HCN1: variants seen among roughly 807,000 people sequenced by gnomAD.
HCN1 encodes the protein hyperpolarization activated cyclic nucleotide gated potassium channel 1, also known as potassium/sodium hyperpolarization-activated cyclic nucleotide-gated channel 1.
In HCN1, 13 loss-of-function variants were observed where a neutral mutation model predicts 78.9. The observed-to-expected ratio is 0.16, with a 90% confidence interval of 0.11 to 0.26. HCN1 has a LOEUF of 0.26. HCN1 is among the 10% of genes least tolerant of loss of function. The pLI is 1.00. For synonymous variants in HCN1, 552 were observed against 455.5 expected (o/e 1.21, Z -2.70); for missense variants, 810 against 1,154.3 (o/e 0.70, Z 4.32).
chr5:45,647,258 T>C (rs1745567480), intron 1 of HCN1, among the ~76,000 whole-genome samples: 1 of 152,148 alleles, frequency 6.6e-6, no homozygotes, highest in Admixed American at 6.6e-5. Context: ...TGGTTTTATA[T>C]CTTCTCACAA....
chr5:45,682,294 T>C (rs991576483), intron 1 of HCN1, among the ~76,000 whole-genome samples: 1 of 147,110 alleles, frequency 6.8e-6, no homozygotes, highest in Admixed American at 6.8e-5. Context: ...TATATACACA[T>C]ATATATATCC....
intron 3 of HCN1, among the ~76,000 whole-genome samples, chr5:45,419,751 ACT>A (rs965972920): frequency 6.6e-6 from 1 of 152,280 alleles, no homozygotes; most frequent in African/African-American, 2.4e-5. Flanking sequence ...GTTGAAGGTC[ACT>A]ACTCCTGTCA....
chr5:45,496,748 T>A (rs553872670), intron 2 of HCN1, among the ~76,000 whole-genome samples: 150 of 152,330 alleles, frequency 9.8e-4, no homozygotes, highest in African/African-American at 3.4e-3. Context: ...TTCTGCTAGC[T>A]TTTGAATGTG....
chr5:45,445,668 C>T (rs1378982979), intron 3 of HCN1, among the ~76,000 whole-genome samples: 2 of 152,068 alleles, frequency 1.3e-5, no homozygotes, highest in African/African-American at 4.8e-5. Context: ...CTCACATGGC[C>T]GGGTACTCCT....
chr5:45,543,208 A>G (rs144591867), intron 2 of HCN1, among the ~76,000 whole-genome samples: 1 of 152,294 alleles, frequency 6.6e-6, no homozygotes, highest in African/African-American at 2.4e-5. Flanking sequence ...AAAGCATTTC[A>G]AAATGAAAAT....
intron 2 of HCN1, among the ~76,000 whole-genome samples, chr5:45,616,725 A>G (rs1476371355): frequency 6.6e-6 from 1 of 152,064 alleles, no homozygotes; most frequent in Non-Finnish European, 1.5e-5. Flanking sequence ...CCATTAAATA[A>G]AAAACAAACT....
chr5:45,407,068 A>G (rs1365402669), intron 3 of HCN1, among the ~76,000 whole-genome samples: 1 of 152,196 alleles, frequency 6.6e-6, no homozygotes, highest in Non-Finnish European at 1.5e-5. Context: ...ACAGGGTGAC[A>G]GGTTCAATCT....
intron 5 of HCN1, among the ~76,000 whole-genome samples, chr5:45,317,701 C>T (rs574589602): frequency 6.6e-6 from 1 of 152,162 alleles, no homozygotes; most frequent in Admixed American, 6.5e-5. Flanking sequence ...CTACAAAGAG[C>T]TCAAACAAAT....
chr5:45,373,758 T>A (rs1168277619), intron 4 of HCN1, among the ~76,000 whole-genome samples: 1 of 123,056 alleles, frequency 8.1e-6, no homozygotes, highest in Non-Finnish European at 1.6e-5. Context: ...ACATACGGTA[T>A]ATACGTCATC....
At chr5:45,627,076 CTCAAAG>C (rs1745179402) in intron 2 of HCN1, among the ~76,000 whole-genome samples, 1 of 151,912 alleles carries the variant, frequency 6.6e-6, no homozygotes, top group African/African-American at 2.4e-5. Flanking sequence ...AAATATATTT[CTCAAAG>C]TCAAACTCTT....
In HCN1 at chr5:45,303,640, G is replaced by T; in HGVS notation, c.1577C>A (p.Ser526Tyr). The change falls in exon 6 of 8, where the codon TCC becomes TAC. Residue 526 changes from serine (S) to tyrosine (Y), a missense_variant. By Grantham distance (144) the Ser-to-Tyr change is moderately radical (BLOSUM62 -2). Transcript: ENST00000303230. ...QHGVAGVITK[S>Y]SKEMKLTDGS... is the part of the protein sequence containing the mutation. ...ATCTGTCAGCTTCATTTCTTTACTG[G>T]ATTTTGTAATGACACCAGCAACACC... 6.2e-7 allele frequency: 1 copy of T among 1,613,266 alleles called. No individual in the cohort carries two copies. The highest frequency in any genetic ancestry group is 8.5e-7 in the Non-Finnish European group (1 of 1,179,570).
chr5:45,315,218 C>G (rs577942639), intron 5 of HCN1, among the ~76,000 whole-genome samples: 1 of 152,170 alleles, frequency 6.6e-6, no homozygotes, highest in African/African-American at 2.4e-5. Context: ...AACTGTCTCT[C>G]GGACCACAGT....
chr5:45,496,379 T>A (rs554743771), intron 2 of HCN1, among the ~76,000 whole-genome samples: 142 of 152,042 alleles, frequency 9.3e-4, no homozygotes, highest in African/African-American at 3.4e-3. Flanking sequence ...ATTTTCTAGT[T>A]TATTTGCGTA....
At chr5:45,464,097 C>A (rs1263509785) in intron 2 of HCN1, among the ~76,000 whole-genome samples, 2 of 152,058 alleles carry the variant, frequency 1.3e-5, no homozygotes, top group Admixed American at 1.3e-4. Context: ...GCATTTTCTA[C>A]TTCCTTTTGG....
At chr5:45,657,305 T>C (rs1745790612) in intron 1 of HCN1, among the ~76,000 whole-genome samples, 5 of 152,240 alleles carry the variant, frequency 3.3e-5, no homozygotes, top group Admixed American at 2.6e-4. Flanking sequence ...CTCATGTATG[T>C]ATGTTTCTGC....
At chr5:45,301,381 C>T (rs934547566) in intron 6 of HCN1, among the ~76,000 whole-genome samples, 3 of 144,530 alleles carry the variant, frequency 2.1e-5, no homozygotes, top group South Asian at 2.2e-4. Context: ...ACAGAGTAGT[C>T]ATGATAAAAT....
chr5:45,514,152 T>A (rs1308521289), intron 2 of HCN1, among the ~76,000 whole-genome samples: 2 of 152,188 alleles, frequency 1.3e-5, no homozygotes, highest in Non-Finnish European at 1.5e-5. Context: ...TTTCTTCTCC[T>A]TATTTTCTGA....
At chr5:45,573,930 C>T (rs1743886093) in intron 2 of HCN1, among the ~76,000 whole-genome samples, 1 of 151,662 alleles carries the variant, frequency 6.6e-6, no homozygotes, top group South Asian at 2.1e-4. Context: ...CTGAATTTGC[C>T]CTTATAAATT....
chr5:45,277,494 T>G (rs1745087893), intron 6 of HCN1, among the ~76,000 whole-genome samples: 1 of 152,098 alleles, frequency 6.6e-6, no homozygotes, highest in Non-Finnish European at 1.5e-5. Context: ...AATGCTAGGC[T>G]GTGTCTGTCC....
Sources: gnomAD v4.1 joint callset for allele counts (sites outside exome capture counted in the v4.1 genomes callset) on GRCh38, gnomAD v4.1.1 for gene constraint, MANE v1.5 for transcripts, NCBI Gene and HGNC (gene_info 2026-07-23, HGNC 2026-07-21) for gene names.